Variants in KCNC1 observed in about 807,000 individuals in gnomAD.
The protein encoded by KCNC1 is potassium voltage-gated channel subfamily C member 1.
In KCNC1, 8 loss-of-function variants were observed where a neutral mutation model predicts 43.4. The ratio of observed to expected loss-of-function variants is 0.18; its 90% CI spans 0.11 to 0.33. The LOEUF (loss-of-function observed/expected upper bound fraction) is 0.33, where lower values mean the gene tolerates loss of function less well. Among genes scored for constraint, KCNC1 ranks in the 10% least tolerant of loss-of-function variants. KCNC1 has a pLI of 1.00. For synonymous variants in KCNC1, 361 were observed against 360.5 expected (o/e 1.00, Z -0.01); for missense variants, 420 against 836.0 (o/e 0.50, Z 6.14).
chr11:17,757,596 C>T (rs1181349598), intron 1 of KCNC1, among the ~76,000 whole-genome samples: 1 of 152,182 alleles, frequency 6.6e-6, no homozygotes, highest in East Asian at 1.9e-4. Flanking sequence ...GAACTGCCCC[C>T]TTGAGAGGCC....
At chr11:17,774,343 C>G (rs1022169671) in intron 2 of KCNC1, 1 of 985,592 alleles carries the variant, frequency 1.0e-6, no homozygotes, top group Non-Finnish European at 1.2e-6. Flanking sequence ...AGTGGCATCA[C>G]TGTGGCACTA....
At position 17,742,889 on chromosome 11, in the gene KCNC1, CTCT is replaced by C. The variant is rs1848857804; in HGVS notation, c.570+6319_570+6321del. Among the ~76,000 whole-genome samples, 1 of 152,132 alleles carries C rather than the reference CTCT, an allele frequency of 6.6e-6. No individual in the cohort carries two copies. Among genetic ancestry groups the C allele is most frequent in the Non-Finnish European group, 1.5e-5 (1 of 68,030 alleles). On this transcript the variant is annotated intron_variant, in intron 1 of 3. Coordinates refer to ENST00000265969, the MANE Select transcript of KCNC1 (RefSeq NM_001112741.2). The surrounding 1 kb of genome is among the most constrained non-coding windows in gnomAD (Gnocchi z 4.2). ...AACCCCACCTGGGCGTGCTGTTCTT[CTCT>C]TATCTACTCCCATTAATTTCCTTCC...
At chr11:17,775,979 A>G in intron 2 of KCNC1, 1 of 985,018 alleles carries the variant, frequency 1.0e-6, no homozygotes. Context: ...GGTGCTATCC[A>G]TGGAGGGGGG....
chr11:17,764,910 C>T (rs1392366530), intron 1 of KCNC1, among the ~76,000 whole-genome samples: 3 of 152,336 alleles, frequency 2.0e-5, no homozygotes, highest in East Asian at 3.9e-4. Flanking sequence ...TTGGCCATCC[C>T]GCCTGCTCTG....
chr11:17,749,413 G>A (rs185093306), intron 1 of KCNC1, among the ~76,000 whole-genome samples: 2 of 152,378 alleles, frequency 1.3e-5, no homozygotes, highest in Admixed American at 1.3e-4. Flanking sequence ...CATACCTGGG[G>A]AGGCTTCGAT....
At chr11:17,757,659 A>C (rs1849036294) in intron 1 of KCNC1, among the ~76,000 whole-genome samples, 1 of 152,264 alleles carries the variant, frequency 6.6e-6, no homozygotes, top group Non-Finnish European at 1.5e-5. Context: ...CCACAGCAAT[A>C]AAGTGAATAT....
At chr11:17,740,134 G>A (rs555303719) in intron 1 of KCNC1, among the ~76,000 whole-genome samples, 8 of 152,188 alleles carry the variant, frequency 5.3e-5, no homozygotes, top group Non-Finnish European at 8.8e-5. Context: ...TAGTCGGGGC[G>A]GGAGGGCCCA....
At chr11:17,753,308 A>G (rs1254533319) in intron 1 of KCNC1, among the ~76,000 whole-genome samples, 1 of 152,232 alleles carries the variant, frequency 6.6e-6, no homozygotes, top group Admixed American at 6.5e-5. Context: ...GGCCTAGCAT[A>G]GCAGGTGGTG....
intron 1 of KCNC1, among the ~76,000 whole-genome samples, chr11:17,763,709 C>T: frequency 7.5e-6 from 1 of 133,456 alleles, no homozygotes; most frequent in Admixed American, 8.4e-5. Flanking sequence ...CTCACCCACA[C>T]ACACCCCCAC....
In KCNC1 at chr11:17,773,124, C is replaced by G. The variant is rs756967542; in HGVS notation, c.1504+526C>G. On this transcript the variant is annotated intron_variant, in intron 2 of 3. Transcript: ENST00000265969. The surrounding 1 kb of genome is among the most constrained non-coding windows in gnomAD (Gnocchi z 4.1). ...AAGGCAGGTGCAAGGGTTCTCACCC[C>G]CGGCAGAGCCTGTCTCCATAGCTGA... 1.0e-6 allele frequency: 1 copy of G among 989,764 alleles called. No homozygotes were observed. The highest frequency in any genetic ancestry group is 1.2e-6 in the Non-Finnish European group (1 of 832,954). 61.3% of individuals were successfully genotyped at this position (989,764 alleles called of 1,614,324 possible).
At chr11:17,747,703 C>G (rs1848916018) in intron 1 of KCNC1, among the ~76,000 whole-genome samples, 1 of 152,202 alleles carries the variant, frequency 6.6e-6, no homozygotes, top group African/African-American at 2.4e-5. Context: ...AGGAACCAGC[C>G]TCGCTGGGTC....
At chr11:17,766,727 A>T (rs1849154575) in intron 1 of KCNC1, among the ~76,000 whole-genome samples, 1 of 152,044 alleles carries the variant, frequency 6.6e-6, no homozygotes, top group South Asian at 2.1e-4. Flanking sequence ...ACCTGCTCTT[A>T]CGGATTCTGA....
chr11:17,771,353 G>A lies in KCNC1; in HGVS notation c.571-312G>A, dbSNP rs1414425001. Among the ~76,000 whole-genome samples the A allele has an allele frequency of 6.6e-6, 1 of 152,240 alleles. No homozygotes were observed. ...CCACTCAGGTAACAGTTCAATGTGGGTATGTGGCTGATGTCTTTCTTTTCA... is the reference window on the plus strand; with the variant it reads ...CCACTCAGGTAACAGTTCAATGTGGATATGTGGCTGATGTCTTTCTTTTCA... On this transcript the variant is annotated intron_variant, in intron 1 of 3. Coordinates refer to ENST00000265969, the MANE Select transcript of KCNC1 (RefSeq NM_001112741.2). The surrounding 1 kb of genome is among the most constrained non-coding windows in gnomAD (Gnocchi z 4.7).
In KCNC1 at chr11:17,773,542, G is replaced by A. The variant is rs72632993; in HGVS notation, c.1504+944G>A. 3.8e-3 allele frequency: 3,710 copies of A among 981,520 alleles called. 80 individuals are homozygous for A. In the East Asian group the frequency reaches 0.085, roughly 23 times the overall value. The allele number at this position is 981,520 out of a possible 1,614,324, so 60.8% of individuals were successfully genotyped here. A position where few individuals can be genotyped will look rare whatever the true frequency, so the allele number is the denominator to read the frequency against. On this transcript the variant is annotated intron_variant, in intron 2 of 3. Coordinates refer to ENST00000265969, the MANE Select transcript of KCNC1 (RefSeq NM_001112741.2). The surrounding 1 kb of genome is among the most constrained non-coding windows in gnomAD (Gnocchi z 4.1). Reference sequence around the variant, plus strand: ...CCAACCAGTGTACAACCACTTTCCCGTGAATTCACTGGGGGCCGGGAGGGG... The same window carrying A: ...CCAACCAGTGTACAACCACTTTCCCATGAATTCACTGGGGGCCGGGAGGGG...
At chr11:17,749,901 T>G (rs1848946219) in intron 1 of KCNC1, among the ~76,000 whole-genome samples, 1 of 152,224 alleles carries the variant, frequency 6.6e-6, no homozygotes, top group Non-Finnish European at 1.5e-5. Flanking sequence ...GTTAGGAGAA[T>G]CCGTCAGACC....
At chr11:17,778,167 G>A (rs1849305779) in intron 2 of KCNC1, among the ~76,000 whole-genome samples, 2 of 152,188 alleles carry the variant, frequency 1.3e-5, no homozygotes, top group South Asian at 4.1e-4. Context: ...TTTGGGGCAG[G>A]TTCGGTCCTC....
intron 1 of KCNC1, among the ~76,000 whole-genome samples, chr11:17,756,698 C>T (rs1432532865): frequency 6.6e-6 from 1 of 152,096 alleles, no homozygotes; most frequent in Non-Finnish European, 1.5e-5. Flanking sequence ...TCTCATCTAC[C>T]AAATGGAAGC....
At chr11:17,749,849 T>C (rs1848945332) in intron 1 of KCNC1, among the ~76,000 whole-genome samples, 1 of 152,214 alleles carries the variant, frequency 6.6e-6, no homozygotes, top group South Asian at 2.1e-4. Flanking sequence ...AGCTTCTTCA[T>C]CTATAAAGTG....
Position 17,777,884 on chromosome 11 carries a change from C to T in KCNC1, c.1505-1572C>T, listed in dbSNP as rs552696872. 5 of 983,716 alleles carry T rather than the reference C, an allele frequency of 5.1e-6. No individual in the cohort carries two copies. The highest frequency in any genetic ancestry group is 1.1e-4 in the East Asian group (1 of 8,804). The allele number at this position is 983,716 out of a possible 1,614,324, so 60.9% of individuals were successfully genotyped here. The stretch of plus-strand genomic sequence containing the variant: ...TGTACACGGGCGGTAATCCCACCCA[C>T]GTGCACGCCCAGCGTGTGCACGTGG... On this transcript the variant is annotated intron_variant, in intron 2 of 3. Transcript: ENST00000265969. The surrounding 1 kb of genome is among the most constrained non-coding windows in gnomAD (Gnocchi z 4.3).
Sources: allele counts gnomAD v4.1 joint callset (sites outside exome capture counted in the v4.1 genomes callset), GRCh38; gene constraint gnomAD v4.1.1; non-coding constraint Gnocchi (gnomAD v3.1); transcripts MANE v1.5; gene names NCBI Gene and HGNC (gene_info 2026-07-23, HGNC 2026-07-21).